Variants in CTIF observed in about 807,000 individuals in gnomAD.
The protein encoded by CTIF is CBP80/20-dependent translation initiation factor.
CTIF carries 21 observed loss-of-function variants against 66.0 expected under a neutral mutation model. The ratio of observed to expected loss-of-function variants is 0.32; its 90% CI spans 0.23 to 0.46. The LOEUF is 0.46. Ranked by LOEUF, CTIF falls within the 20% of genes least tolerant of loss-of-function variation. The probability of loss-of-function intolerance (pLI) is 1.00; values close to 1 mark genes in which losing one functional copy is unlikely to be tolerated. For missense variants in CTIF, 739 were observed against 812.7 expected, an observed-to-expected ratio of 0.91 and a Z score of 1.10; for synonymous variants, 345 against 326.4, an observed-to-expected ratio of 1.06 and a Z score of -0.62.
At chr18:48,556,656 C>T (rs1348753088) in intron 1 of CTIF, among the ~76,000 whole-genome samples, 1 of 152,070 alleles carries the variant, frequency 6.6e-6, no homozygotes, top group Non-Finnish European at 1.5e-5. Context: ...CCTCTTCGTC[C>T]CAGGTTCAAG....
chr18:48,702,100 A>C (rs2092092135), intron 6 of CTIF, among the ~76,000 whole-genome samples: 1 of 152,218 alleles, frequency 6.6e-6, no homozygotes, highest in Non-Finnish European at 1.5e-5. Flanking sequence ...ATATTAAAAG[A>C]ATGGTCCATG....
intron 9 of CTIF, among the ~76,000 whole-genome samples, chr18:48,773,339 G>A (rs1910354832): frequency 6.6e-6 from 1 of 152,218 alleles, no homozygotes; most frequent in Non-Finnish European, 1.5e-5. Flanking sequence ...GTCTCTTGTG[G>A]AGAGGGAGCA....
At chr18:48,744,618 TCA>T (rs1385696251) in intron 7 of CTIF, among the ~76,000 whole-genome samples, 1 of 152,226 alleles carries the variant, frequency 6.6e-6, no homozygotes, top group African/African-American at 2.4e-5. Context: ...GCTAAATATT[TCA>T]CAGTGTGTTT....
At chr18:48,832,612 G>C (rs958234225) in intron 10 of CTIF, among the ~76,000 whole-genome samples, 1 of 152,182 alleles carries the variant, frequency 6.6e-6, no homozygotes, top group Admixed American at 6.5e-5. Context: ...AATCGTGGCC[G>C]AGTGTGTGGA....
At chr18:48,554,636 C>T (rs2088971966) in intron 1 of CTIF, among the ~76,000 whole-genome samples, 1 of 152,268 alleles carries the variant, frequency 6.6e-6, no homozygotes, top group South Asian at 2.1e-4. Context: ...CTCTGTCAGC[C>T]TAACACCAGC....
intron 10 of CTIF, among the ~76,000 whole-genome samples, chr18:48,834,221 G>T (rs912921860): frequency 6.6e-6 from 1 of 152,212 alleles, no homozygotes; most frequent in East Asian, 1.9e-4. Context: ...GAGAGCAAGC[G>T]CCTCCACTCT....
chr18:48,754,066 G>C (rs377280280), intron 7 of CTIF, among the ~76,000 whole-genome samples: 1 of 152,222 alleles, frequency 6.6e-6, no homozygotes, highest in African/African-American at 2.4e-5. Flanking sequence ...GCTGGGGAAC[G>C]AGGCCTAACT....
At chr18:48,645,739 A>G (rs2091019143) in intron 3 of CTIF, among the ~76,000 whole-genome samples, 1 of 152,184 alleles carries the variant, frequency 6.6e-6, no homozygotes, top group African/African-American at 2.4e-5. Flanking sequence ...CCCAGGGATG[A>G]TGAGGCCAGC....
At chr18:48,673,038 C>T (rs757260951) in intron 6 of CTIF, among the ~76,000 whole-genome samples, 1 of 152,170 alleles carries the variant, frequency 6.6e-6, no homozygotes, top group African/African-American at 2.4e-5. Context: ...AGGATACCTC[C>T]CCTGATCCCT....
intron 7 of CTIF, among the ~76,000 whole-genome samples, chr18:48,716,642 C>T (rs2092284993): frequency 6.6e-6 from 1 of 152,138 alleles, no homozygotes; most frequent in South Asian, 2.1e-4. Context: ...AATTGAACTA[C>T]ATAGAAGGGA....
chr18:48,668,465 C>A (rs1281453910), intron 5 of CTIF, among the ~76,000 whole-genome samples: 1 of 152,206 alleles, frequency 6.6e-6, no homozygotes, highest in Non-Finnish European at 1.5e-5. Context: ...ATGTTCCGGG[C>A]CTTTCTCCAC....
intron 10 of CTIF, among the ~76,000 whole-genome samples, chr18:48,848,606 C>T (rs1263059174): frequency 1.3e-5 from 2 of 152,222 alleles, no homozygotes; most frequent in Non-Finnish European, 2.9e-5. Flanking sequence ...CTCATCCCTC[C>T]CTGCACAGCG....
rs562047002 is a variant in CTIF, at chr18:48,580,365, C to T, written c.-28-39173C>T. ...AGTGTAGCCTCAGGGCCCCTTCCTC[C>T]GTTCCAAGATATCTCTGTCTAGATA... On this transcript the variant is annotated intron_variant, in intron 1 of 11. Transcript: ENST00000256413. Among the ~76,000 whole-genome samples, 4 of 152,252 alleles carry T rather than the reference C, an allele frequency of 2.6e-5. No homozygotes were observed. In the South Asian group the frequency reaches 8.3e-4, roughly 32 times the overall value.
intron 1 of CTIF, among the ~76,000 whole-genome samples, chr18:48,596,706 G>A (rs2089992693): frequency 6.6e-6 from 1 of 152,078 alleles, no homozygotes; most frequent in Non-Finnish European, 1.5e-5. Flanking sequence ...TCCATCTTCT[G>A]ATCTTGTGAT....
intron 9 of CTIF, among the ~76,000 whole-genome samples, chr18:48,800,692 C>T (rs1479843920): frequency 5.3e-5 from 8 of 152,308 alleles, no homozygotes; most frequent in East Asian, 3.9e-4. Context: ...TTCATCATCA[C>T]GGTGTTTAGC....
At chr18:48,775,559 G>C (rs1479848885) in intron 9 of CTIF, among the ~76,000 whole-genome samples, 2 of 152,240 alleles carry the variant, frequency 1.3e-5, no homozygotes, top group South Asian at 4.1e-4. Flanking sequence ...GACTGGCCTG[G>C]AGGCCCCACA....
chr18:48,550,236 C>T (rs958262952), intron 1 of CTIF, among the ~76,000 whole-genome samples: 5 of 152,128 alleles, frequency 3.3e-5, no homozygotes, highest in Non-Finnish European at 7.4e-5. Flanking sequence ...CAGAATTGTC[C>T]AGAGGGAGGG....
chr18:48,589,431 A>T (rs2089842049), intron 1 of CTIF, among the ~76,000 whole-genome samples: 1 of 152,174 alleles, frequency 6.6e-6, no homozygotes, highest in Non-Finnish European at 1.5e-5. Context: ...TCTTCTTATA[A>T]GGACCCCAGT....
chr18:48,631,398 G>A (rs968671913), intron 2 of CTIF, among the ~76,000 whole-genome samples: 1 of 152,194 alleles, frequency 6.6e-6, no homozygotes, highest in East Asian at 1.9e-4. Context: ...CCCCAGAGGG[G>A]AAGGTTGCAG....
Sources: allele counts gnomAD v4.1 joint callset (sites outside exome capture counted in the v4.1 genomes callset), GRCh38; gene constraint gnomAD v4.1.1; transcripts MANE v1.5; gene names NCBI Gene and HGNC (gene_info 2026-07-23, HGNC 2026-07-21).